Variants in TCF4 observed in about 807,000 individuals in gnomAD.
TCF4 encodes SL3-3 enhancer factor 2.
Under a neutral mutation model 82.1 loss-of-function variants are expected in TCF4, and 3 were observed. The observed-to-expected ratio is 0.04, with a 90% CI of 0.02 to 0.09. The LOEUF is 0.09. Ranked by LOEUF, TCF4 falls within the 10% of genes least tolerant of loss-of-function variation. TCF4 has a pLI of 1.00. For synonymous variants in TCF4, 276 were observed against 309.6 expected (o/e 0.89, Z 1.14); for missense variants, 518 against 852.7 (o/e 0.61, Z 4.89).
At chr18:55,458,661 C>T (rs1258602668) in intron 5 of TCF4, among the ~76,000 whole-genome samples, 1 of 152,042 alleles carries the variant, frequency 6.6e-6, no homozygotes, top group African/African-American at 2.4e-5. Context: ...TCTTTGTTCC[C>T]CGAATCTAGC....
intron 7 of TCF4, 54 bp downstream of exon 7, chr18:55,350,820 A>G: frequency 6.2e-7 from 1 of 1,610,866 alleles, no homozygotes; most frequent in South Asian, 1.1e-5. Context: ...AAAGAAAGAA[A>G]AAAAGAAAAA....
intron 1 of TCF4, among the ~76,000 whole-genome samples, chr18:55,634,015 T>C (rs1054895142): frequency 6.6e-6 from 1 of 152,182 alleles, no homozygotes; most frequent in Non-Finnish European, 1.5e-5. Flanking sequence ...ACACCTGTAA[T>C]CCCAGAACTT....
upstream of TCF4, chr18:55,588,580 C>A: frequency 3.3e-6 from 5 of 1,522,806 alleles, no homozygotes; most frequent in Non-Finnish European, 4.4e-6. Context: ...CATCCCCTCA[C>A]TTCTTTCTTT....
At chr18:55,464,158 C>T (rs781538505) in intron 3 of TCF4, 21 bp from the exon 4 acceptor site, 1 of 1,612,070 alleles carries the variant, frequency 6.2e-7, no homozygotes, top group Non-Finnish European at 8.5e-7. Context: ...GAGAAAAGTT[C>T]TTTAGGCTTT....
chr18:55,270,031 A>G, intron 10 of TCF4, 68 bp from the exon 11 acceptor site: 1 of 1,587,720 alleles, frequency 6.3e-7, no homozygotes, highest in Non-Finnish European at 8.6e-7. Flanking sequence ...ATTTTCAAAT[A>G]CTTTTCTCAC....
chr18:55,300,282 T>C (rs1413128990), intron 8 of TCF4, among the ~76,000 whole-genome samples: 1 of 152,212 alleles, frequency 6.6e-6, no homozygotes, highest in African/African-American at 2.4e-5. Context: ...TCCAACCATC[T>C]TGATGGACTG....
intron 3 of TCF4, among the ~76,000 whole-genome samples, chr18:55,495,000 A>G (rs1251087573): frequency 6.6e-6 from 1 of 151,610 alleles, no homozygotes; most frequent in Non-Finnish European, 1.5e-5. Context: ...ACAAAGAAAC[A>G]CAGCTCAAAG....
intron 5 of TCF4, among the ~76,000 whole-genome samples, chr18:55,410,600 G>A (rs2094304225): frequency 6.6e-6 from 1 of 152,032 alleles, no homozygotes; most frequent in South Asian, 2.1e-4. Context: ...AGCTCATATA[G>A]TTAAAAAGGC....
At chr18:55,625,377 T>C (rs2097725533) in intron 2 of TCF4, among the ~76,000 whole-genome samples, 1 of 152,092 alleles carries the variant, frequency 6.6e-6, no homozygotes, top group Admixed American at 6.5e-5. Flanking sequence ...TAGCTGGGAC[T>C]ACAGGCGCAC....
At chr18:55,607,225 A>G (rs985189997) in intron 2 of TCF4, among the ~76,000 whole-genome samples, 1 of 152,198 alleles carries the variant, frequency 6.6e-6, no homozygotes, top group African/African-American at 2.4e-5. Context: ...TTCTCGAGGA[A>G]CCTGTAAACC....
At chr18:55,481,489 G>A (rs1417801965) in intron 3 of TCF4, among the ~76,000 whole-genome samples, 1 of 152,124 alleles carries the variant, frequency 6.6e-6, no homozygotes, top group African/African-American at 2.4e-5. Flanking sequence ...GTAACTGATT[G>A]GCAAGAAATC....
rs534623281 is a variant in TCF4 at position 55,472,208 on chromosome 18, T to C, written c.146-8071A>G. On this transcript the variant is annotated intron_variant, in intron 3 of 19. Transcript: ENST00000354452. ...TTCCTATAACATAAAATTCAGATAA[T>C]GAGAAAGTAACAAAATGAAGTGGGT... Among the ~76,000 whole-genome samples, 4 of 152,304 alleles carry C rather than the reference T, an allele frequency of 2.6e-5. No homozygotes were observed. The South Asian group carries it at 8.3e-4, about 32-fold the overall frequency.
At chr18:55,470,553 C>T (rs555903153) in intron 3 of TCF4, among the ~76,000 whole-genome samples, 1 of 152,260 alleles carries the variant, frequency 6.6e-6, no homozygotes, top group South Asian at 2.1e-4. Context: ...GTATGCTGAT[C>T]AGAGTCCCAA....
chr18:55,544,882 A>G (rs1031370188), intron 3 of TCF4, among the ~76,000 whole-genome samples: 2 of 152,176 alleles, frequency 1.3e-5, no homozygotes, highest in Non-Finnish European at 2.9e-5. Context: ...AGTTTCTTTG[A>G]TAACATGTGA....
intron 10 of TCF4, among the ~76,000 whole-genome samples, chr18:55,270,336 A>C (rs1568584172): frequency 6.6e-6 from 1 of 152,156 alleles, no homozygotes; most frequent in African/African-American, 2.4e-5. Context: ...AGATTCCACT[A>C]TATAATGAAT....
At chr18:55,288,294 T>C (rs535510289) in intron 8 of TCF4, among the ~76,000 whole-genome samples, 1 of 152,358 alleles carries the variant, frequency 6.6e-6, no homozygotes, top group East Asian at 1.9e-4. Context: ...TCATTATTTA[T>C]ATCTGTTTAC....
intron 6 of TCF4, among the ~76,000 whole-genome samples, chr18:55,383,486 A>G (rs896295440): frequency 3.3e-5 from 5 of 152,220 alleles, no homozygotes; most frequent in Admixed American, 6.5e-5. Context: ...ACCCACACAA[A>G]GCCAGCTTGT....
chr18:55,416,841 G>A (rs993213582), intron 5 of TCF4, among the ~76,000 whole-genome samples: 9 of 152,180 alleles, frequency 5.9e-5, no homozygotes, highest in South Asian at 4.1e-4. Context: ...GCCTCTTTAC[G>A]TGGGTAAAAT....
chr18:55,290,235 A>C (rs1028554591), intron 8 of TCF4, among the ~76,000 whole-genome samples: 1 of 152,208 alleles, frequency 6.6e-6, no homozygotes, highest in African/African-American at 2.4e-5. Context: ...CCTAAAGCTG[A>C]CATCCTTAAG....
Sources: gnomAD v4.1 joint callset for allele counts (sites outside exome capture counted in the v4.1 genomes callset) on GRCh38, gnomAD v4.1.1 for gene constraint, MANE v1.5 for transcripts, NCBI Gene and HGNC (gene_info 2026-07-23, HGNC 2026-07-21) for gene names.